HIPK1: variants seen among roughly 807,000 people sequenced by gnomAD.
HIPK1 encodes homeodomain-interacting protein kinase 1.
HIPK1 carries 28 observed loss-of-function variants against 117.1 expected under a neutral mutation model. The ratio of observed to expected loss-of-function variants is 0.24; its 90% CI spans 0.18 to 0.33. The LOEUF (loss-of-function observed/expected upper bound fraction) is 0.33. Among genes scored for constraint, HIPK1 ranks in the 10% least tolerant of loss-of-function variants. The pLI is 1.00. For synonymous variants in HIPK1, 605 were observed against 562.5 expected (o/e 1.08, Z -1.07); for missense variants, 1,122 against 1,475.1 (o/e 0.76, Z 3.92).
intron 3 of HIPK1, 77 bp downstream of exon 3, chr1:113,952,966 A>C (rs1671464516): frequency 7.9e-7 from 1 of 1,269,932 alleles, no homozygotes; most frequent in Non-Finnish European, 1.0e-6. Context: ...GAGAAGTACT[A>C]AGTACTACTG....
chr1:113,961,254 G>T (rs1435584083), intron 8 of HIPK1, among the ~76,000 whole-genome samples: 2 of 152,134 alleles, frequency 1.3e-5, no homozygotes, highest in Non-Finnish European at 2.9e-5. Flanking sequence ...CATGGTTATT[G>T]TTATAAAGGC....
In HIPK1 at chr1:113,973,217, C is replaced by T. The variant is rs751762183; in HGVS notation, c.3338C>T (p.Thr1113Met). ...CTGCCAAGCCAGGCTCATCTGTATA[C>T]GTATGCTGCCCCGACTTCTGCTGCT... ...AHLPSQAHLY[T>M]YAAPTSAAAL... The change falls in exon 16 of 16, where the codon ACG (threonine) becomes ATG (methionine). Residue 1113 changes from threonine (T) to methionine (M), a missense_variant. By Grantham distance (81) the Thr-to-Met change is moderately conservative. Coordinates refer to ENST00000426820, the MANE Select transcript of HIPK1 (RefSeq NM_198268.3). 28 of 1,613,776 alleles carry T rather than the reference C, an allele frequency of 1.7e-5. No individual in the cohort carries two copies. The highest frequency in any genetic ancestry group is 5.3e-5 in the African/African-American group (4 of 74,916).
intron 14 of HIPK1, among the ~76,000 whole-genome samples, chr1:113,971,169 T>C (rs1672799461): frequency 6.6e-6 from 1 of 152,252 alleles, no homozygotes; most frequent in Non-Finnish European, 1.5e-5. Flanking sequence ...TTTTCAGAAG[T>C]AGACAGTTGT....
chr1:113,956,896 C>T, intron 6 of HIPK1, 85 bp downstream of exon 6: 1 of 1,254,906 alleles, frequency 8.0e-7, no homozygotes. Context: ...AATGAGCCCG[C>T]CACTTTGGTG....
chr1:113,962,198 G>A, intron 8 of HIPK1, 119 bp from the exon 9 acceptor site: 1 of 988,646 alleles, frequency 1.0e-6, no homozygotes, highest in South Asian at 1.8e-5. Flanking sequence ...TGTCTTAAGT[G>A]TCTAGGATTA....
chr1:113,969,952 T>G lies in HIPK1; in HGVS notation c.2772-4T>G, dbSNP rs1370725595. On this transcript the variant is annotated splice_polypyrimidine_tract_variant and splice_region_variant and intron_variant, in intron 13 of 15. Coordinates refer to ENST00000426820, the MANE Select transcript of HIPK1 (RefSeq NM_198268.3). The stretch of plus-strand genomic sequence containing the variant: ...CAATTTTCATGTATTTTTCTTTTCC[T>G]CAGCTCTGGACTGAAGCCAAGGTCT... 6.2e-7 allele frequency: 1 copy of G among 1,613,716 alleles called. No homozygotes were observed. Among genetic ancestry groups the G allele is most frequent in the Non-Finnish European group, 8.5e-7 (1 of 1,179,742 alleles).
At chr1:113,958,372 C>G (rs1450421998) in intron 8 of HIPK1, 81 bp downstream of exon 8, 1 of 937,952 alleles carries the variant, frequency 1.1e-6, no homozygotes, top group East Asian at 2.6e-5. Flanking sequence ...TAGTTCTGAT[C>G]TTTACAAGTT....
intron 6 of HIPK1, 22 bp downstream of exon 6, chr1:113,956,833 G>A: frequency 1.2e-6 from 2 of 1,607,940 alleles, no homozygotes; most frequent in Non-Finnish European, 1.7e-6. Flanking sequence ...ATATTCTGGG[G>A]CTTTTGCCAT....
At chr1:113,970,308 C>G (rs1473534070) in intron 14 of HIPK1, 111 bp downstream of exon 14, 1 of 1,163,364 alleles carries the variant, frequency 8.6e-7, no homozygotes, top group Non-Finnish European at 1.2e-6. Flanking sequence ...TGTAGACATT[C>G]TTAAAGAGAC....
At chr1:113,932,008 C>T (rs1268019494) in intron 1 of HIPK1, among the ~76,000 whole-genome samples, 4 of 152,122 alleles carry the variant, frequency 2.6e-5, no homozygotes, top group African/African-American at 9.7e-5. Context: ...GATTATTTTC[C>T]TTTAAGTACC....
At chr1:113,939,888 A>T (rs139671342) in intron 1 of HIPK1, among the ~76,000 whole-genome samples, 1 of 151,008 alleles carries the variant, frequency 6.6e-6, no homozygotes, top group Non-Finnish European at 1.5e-5. Flanking sequence ...TCCTTTCCTC[A>T]TATTTTTCTG....
intron 5 of HIPK1, 121 bp from the exon 6 acceptor site, chr1:113,956,506 T>A (rs1671736394): frequency 5.6e-6 from 3 of 534,280 alleles, no homozygotes. Context: ...AAAAAGAATT[T>A]CCCCAGGTTT....
Position 113,956,784 on chromosome 1 carries a change from A to G in HIPK1, c.1565A>G (p.His522Arg). ...TLNHQFVTMT[H>R]LLDFPHSNHV... is the part of the protein sequence containing the mutation. Reference sequence around the variant, plus strand: ...AACCATCAGTTTGTGACAATGACTCACCTTTTGGATTTTCCACATAGCAAT... The same window carrying G: ...AACCATCAGTTTGTGACAATGACTCGCCTTTTGGATTTTCCACATAGCAAT... Residue 522 changes from histidine to arginine, a missense_variant, in exon 6 of 16, where the codon CAC becomes CGC. Transcript: ENST00000426820. 1.2e-6 allele frequency: 2 copies of G among 1,614,032 alleles called. No individual in the cohort carries two copies. The highest frequency in any genetic ancestry group is 1.7e-6 in the Non-Finnish European group (2 of 1,179,986).
chr1:113,957,071 C>A, intron 6 of HIPK1, 53 bp from the exon 7 acceptor site: 1 of 1,404,340 alleles, frequency 7.1e-7, no homozygotes, highest in Non-Finnish European at 1.0e-6. Flanking sequence ...GAGTTATTTG[C>A]TGTCTGTTTA....
At chr1:113,945,304 T>C (rs1670918332) in intron 2 of HIPK1, among the ~76,000 whole-genome samples, 1 of 152,222 alleles carries the variant, frequency 6.6e-6, no homozygotes, top group African/African-American at 2.4e-5. Context: ...TTTTACCTGT[T>C]GATAGTGTTT....
rs1186159223 is a variant in HIPK1 at position 113,953,663 on chromosome 1, G to C, written c.1200+774G>C. On this transcript the variant is annotated intron_variant, in intron 3 of 15. Coordinates refer to ENST00000426820, the MANE Select transcript of HIPK1 (RefSeq NM_198268.3). ...CTCCTGAGTAGCTGGGATTACAGGT[G>C]CCTGCCACCATGACCAACTAATTTT... Among the ~76,000 whole-genome samples, 3 of 151,966 alleles carry C rather than the reference G, an allele frequency of 2.0e-5. No individual in the cohort carries two copies. In the East Asian group the frequency reaches 5.8e-4, roughly 29 times the overall value.
In HIPK1 at chr1:113,962,404, A is replaced by C. The variant is rs201294912; in HGVS notation, c.2069A>C (p.Gln690Pro). 3.1e-6 allele frequency: 5 copies of C among 1,614,040 alleles called. No individual in the cohort carries two copies. Among genetic ancestry groups the C allele is most frequent in the Non-Finnish European group, 4.2e-6 (5 of 1,179,926 alleles). Residue 690 changes from glutamine (Q) to proline (P), a missense_variant, in exon 9 of 16, where the codon CAG becomes CCG. This residue lies in a region of HIPK1 where 731 missense variants were observed against 860.4 expected (regional missense o/e 0.85). Coordinates refer to ENST00000426820, the MANE Select transcript of HIPK1 (RefSeq NM_198268.3). ...ATTGTACCCCAGGCACCAGCTGCTC[A>C]GCCACTACAGATTCAGTCAGGAGTT... ...VPIVPQAPAAQPLQIQSGVLT... is the reference protein window; with the variant it reads ...VPIVPQAPAAPPLQIQSGVLT...
intron 10 of HIPK1, 128 bp from the exon 11 acceptor site, chr1:113,966,002 A>T: frequency 1.2e-6 from 1 of 863,774 alleles, no homozygotes; most frequent in Non-Finnish European, 1.7e-6. Flanking sequence ...TTTCTTTTTT[A>T]ATCTCTGCAA....
chr1:113,970,699 G>T (rs1021751880), intron 14 of HIPK1, among the ~76,000 whole-genome samples: 2 of 152,142 alleles, frequency 1.3e-5, no homozygotes, highest in African/African-American at 4.8e-5. Context: ...TTAGATACTG[G>T]ACTTAAGCTC....
Sources: allele counts gnomAD v4.1 joint callset (sites outside exome capture counted in the v4.1 genomes callset), GRCh38; gene constraint gnomAD v4.1.1; regional missense constraint gnomAD v4.1.1; transcripts MANE v1.5; gene names NCBI Gene and HGNC (gene_info 2026-07-23, HGNC 2026-07-21).